Variants in NCEH1 observed in about 807,000 individuals in gnomAD.
NCEH1 encodes the protein neutral cholesterol ester hydrolase 1.
Under a neutral mutation model 25.4 loss-of-function variants are expected in NCEH1, and 9 were observed. That is an observed-to-expected ratio of 0.35 (90% CI 0.21 to 0.62). NCEH1 has a LOEUF of 0.62. Among genes scored for constraint, NCEH1 ranks in the 20% least tolerant of loss-of-function variants. NCEH1 has a pLI of 0.72. For synonymous variants in NCEH1, 200 were observed against 199.8 expected (o/e 1.00, Z -0.01); for missense variants, 412 against 501.1 (o/e 0.82, Z 1.70).
intron 1 of NCEH1, among the ~76,000 whole-genome samples, chr3:172,673,118 C>T (rs1160634251): frequency 6.6e-6 from 1 of 152,204 alleles, no homozygotes; most frequent in Non-Finnish European, 1.5e-5. Context: ...GCCAGGCCTC[C>T]TCTCTTCCTA....
chr3:172,639,358 A>G (rs1276773191), intron 3 of NCEH1, among the ~76,000 whole-genome samples: 1 of 151,840 alleles, frequency 6.6e-6, no homozygotes, highest in Non-Finnish European at 1.5e-5. Flanking sequence ...GTAGATATTT[A>G]TTAGGTTACC....
intron 1 of NCEH1, among the ~76,000 whole-genome samples, chr3:172,654,730 T>A (rs923633920): frequency 1.3e-5 from 2 of 152,332 alleles, no homozygotes; most frequent in East Asian, 3.9e-4. Flanking sequence ...ACTTAAAGCA[T>A]CGATTCTAAC....
intron 1 of NCEH1, among the ~76,000 whole-genome samples, chr3:172,657,529 C>T (rs970628685): frequency 5.9e-5 from 9 of 152,198 alleles, no homozygotes; most frequent in Admixed American, 2.6e-4. Flanking sequence ...GCTCCACCCC[C>T]GCTCTCGTTG....
intron 1 of NCEH1, among the ~76,000 whole-genome samples, chr3:172,650,857 G>A (rs1021395885): frequency 6.7e-6 from 1 of 149,676 alleles, no homozygotes; most frequent in African/African-American, 2.5e-5. Context: ...GTTTATGCAG[G>A]GTAAAAGACA....
At chr3:172,682,439 G>A (rs1006413633) in intron 1 of NCEH1, among the ~76,000 whole-genome samples, 3 of 152,104 alleles carry the variant, frequency 2.0e-5, no homozygotes, top group Admixed American at 1.3e-4. Flanking sequence ...GGGTCTGGGG[G>A]GGTAATGGTA....
intron 1 of NCEH1, among the ~76,000 whole-genome samples, chr3:172,670,947 C>A (rs1711577301): frequency 6.6e-6 from 1 of 152,142 alleles, no homozygotes; most frequent in African/African-American, 2.4e-5. Flanking sequence ...CAGAGAAATG[C>A]ATAGTCATAT....
intron 2 of NCEH1, among the ~76,000 whole-genome samples, chr3:172,647,589 G>C (rs528130492): frequency 1.3e-5 from 2 of 152,286 alleles, no homozygotes; most frequent in South Asian, 4.1e-4. Context: ...GTTAGTCTGT[G>C]ATTTAGATCA....
At chr3:172,698,050 C>A (rs1354877268) in intron 1 of NCEH1, among the ~76,000 whole-genome samples, 1 of 145,684 alleles carries the variant, frequency 6.9e-6, no homozygotes, top group Non-Finnish European at 1.5e-5. Context: ...GATCTCAGCT[C>A]ACTGCAAGCT....
chr3:172,693,794 T>C (rs1036347491), intron 1 of NCEH1, among the ~76,000 whole-genome samples: 71 of 152,252 alleles, frequency 4.7e-4, no homozygotes, highest in African/African-American at 1.7e-3. Context: ...TTTTGGTCAG[T>C]AGAAACCTCT....
chr3:172,697,492 T>G (rs1713436365), intron 1 of NCEH1, among the ~76,000 whole-genome samples: 1 of 152,154 alleles, frequency 6.6e-6, no homozygotes, highest in Non-Finnish European at 1.5e-5. Context: ...CCCTGCAGAG[T>G]GCAGCTCTCT....
At chr3:172,645,589 GA>G in intron 3 of NCEH1, 33 bp downstream of exon 3, 1 of 1,391,956 alleles carries the variant, frequency 7.2e-7, no homozygotes, top group Non-Finnish European at 1.0e-6. Flanking sequence ...TCCTTTATAA[GA>G]AAAATTTTCT....
chr3:172,711,040 C>A lies in NCEH1; in HGVS notation c.-56G>T. The A allele has an allele frequency of 1.9e-6, 3 of 1,611,530 alleles. No individual in the cohort carries two copies. The highest frequency in any genetic ancestry group is 2.5e-6 in the Non-Finnish European group (3 of 1,178,258). ...GCAAAGAGGAAAGGGCGATACCACC[C>A]GGAGACCTCCGGCAACTTTCTGCCC... On this transcript the variant is annotated 5_prime_UTR_variant, in exon 1 of 5. Coordinates refer to ENST00000475381, the MANE Select transcript of NCEH1 (RefSeq NM_020792.6).
intron 1 of NCEH1, among the ~76,000 whole-genome samples, chr3:172,668,348 ATTTTTT>A (rs1200625132): frequency 2.5e-4 from 20 of 78,974 alleles, no homozygotes; most frequent in Middle Eastern, 0.012. Context: ...AAAAGGAAGC[ATTTTTT>A]TTTTTTTTTT....
rs185238034 is a variant in NCEH1 at position 172,684,298 on chromosome 3, T to C, written c.138+26549A>G. On this transcript the variant is annotated intron_variant, in intron 1 of 4. Transcript: ENST00000475381. ...CTTGAGAAAGAAATACACTGGTGCT[T>C]CCCAAATATCTGAAACTATTTACTA... Among the ~76,000 whole-genome samples, 425 of 152,326 alleles carry C rather than the reference T, an allele frequency of 2.8e-3. 4 individuals carry two copies. The highest frequency in any genetic ancestry group is 9.7e-3 in the African/African-American group (402 of 41,566).
intron 1 of NCEH1, among the ~76,000 whole-genome samples, chr3:172,704,754 C>G (rs891562356): frequency 6.6e-6 from 1 of 152,250 alleles, no homozygotes; most frequent in Non-Finnish European, 1.5e-5. Context: ...CCTGTGATCC[C>G]AGCACTTTGG....
At chr3:172,657,278 A>G (rs1441041932) in intron 1 of NCEH1, among the ~76,000 whole-genome samples, 2 of 152,160 alleles carry the variant, frequency 1.3e-5, no homozygotes. Context: ...GCTTCCATAC[A>G]TATTTCCAAA....
In NCEH1 at chr3:172,665,714, C is replaced by T. The variant is rs368032481; in HGVS notation, c.139-17600G>A. ...GGTGGACACCCCTCCCCCAGCCTTG[C>T]TGCTGCCTCGCAGTTTGATCTTGGA... is the stretch of plus-strand genomic sequence containing the variant. On this transcript the variant is annotated intron_variant, in intron 1 of 4. Coordinates refer to ENST00000475381, the MANE Select transcript of NCEH1 (RefSeq NM_020792.6). Among the ~76,000 whole-genome samples, 43 of 152,308 alleles carry T rather than the reference C, an allele frequency of 2.8e-4. 3 individuals are homozygous for T. Among genetic ancestry groups the T allele is most frequent in the Admixed American group, 1.2e-3 (19 of 15,306 alleles).
chr3:172,640,382 G>A (rs576633476), intron 3 of NCEH1, among the ~76,000 whole-genome samples: 2 of 152,314 alleles, frequency 1.3e-5, no homozygotes, highest in East Asian at 3.9e-4. Flanking sequence ...TGCTCTCTGA[G>A]TGAGACAACT....
At chr3:172,673,601 A>T (rs1711772094) in intron 1 of NCEH1, among the ~76,000 whole-genome samples, 2 of 152,232 alleles carry the variant, frequency 1.3e-5, no homozygotes, top group South Asian at 4.1e-4. Context: ...GGAAATTAGC[A>T]GGTTATCCTC....
Sources: gnomAD v4.1 joint callset for allele counts (sites outside exome capture counted in the v4.1 genomes callset) on GRCh38, gnomAD v4.1.1 for gene constraint, MANE v1.5 for transcripts, NCBI Gene and HGNC (gene_info 2026-07-23, HGNC 2026-07-21) for gene names.